The following TFRC variants were observed in gnomAD, a reference collection of about 807,000 sequenced individuals.
TFRC encodes the protein transferrin receptor protein 1.
In TFRC, 35 loss-of-function variants were observed where a neutral mutation model predicts 85.8. The ratio of observed to expected loss-of-function variants is 0.41; its 90% CI spans 0.31 to 0.54. The LOEUF (loss-of-function observed/expected upper bound fraction) is 0.54. TFRC is among the 20% of genes least tolerant of loss of function. The probability of loss-of-function intolerance (pLI) is 0.31; values close to 1 mark genes in which losing one functional copy is unlikely to be tolerated. For synonymous variants in TFRC, 362 were observed against 328.6 expected, an observed-to-expected ratio of 1.10 and a Z score of -1.10; for missense variants, 828 against 921.5, an observed-to-expected ratio of 0.90 and a Z score of 1.31.
chr3:196,055,575 G>A, intron 16 of TFRC: 1 of 496,154 alleles, frequency 2.0e-6, no homozygotes, highest in Non-Finnish European at 3.7e-6. Flanking sequence ...TAGACTTCTA[G>A]CCAAATTCCT....
At chr3:196,057,291 G>A (rs547247380) in intron 16 of TFRC, among the ~76,000 whole-genome samples, 24 of 152,094 alleles carry the variant, frequency 1.6e-4, no homozygotes, top group South Asian at 4.1e-4. Context: ...TGAAAATCCC[G>A]TCCTGTTCTG....
chr3:196,079,171 G>C (rs1718958297), intron 1 of TFRC, among the ~76,000 whole-genome samples: 1 of 152,126 alleles, frequency 6.6e-6, no homozygotes, highest in Non-Finnish European at 1.5e-5. Flanking sequence ...GAACAGTAAG[G>C]ACCCAATCAT....
intron 8 of TFRC, 79 bp from the exon 9 acceptor site, chr3:196,067,736 C>T: frequency 6.6e-7 from 1 of 1,514,890 alleles, no homozygotes; most frequent in East Asian, 2.3e-5. Context: ...TGGTATAAGG[C>T]TGCAGCCCAA....
rs1716243512 is a variant in TFRC, at chr3:196,050,707, C to G, written c.*1235G>C. ...AATTTTGCAGGAGTACTACCACAGC[C>G]TTTAAGTGACATTGATTTATAACTT... On this transcript the variant is annotated 3_prime_UTR_variant, in exon 19 of 19. Transcript: ENST00000360110. 9.8e-6 allele frequency: 2 copies of G among 205,014 alleles called. No individual in the cohort carries two copies. The highest frequency in any genetic ancestry group is 1.5e-4 in the East Asian group (2 of 13,310). 12.7% of individuals were successfully genotyped at this position (205,014 alleles called of 1,614,324 possible).
chr3:196,065,967 C>A (rs1293980492), intron 9 of TFRC, among the ~76,000 whole-genome samples: 1 of 146,698 alleles, frequency 6.8e-6, no homozygotes, highest in African/African-American at 2.5e-5. Context: ...CCAGCCTGGG[C>A]AACAGAGCAC....
intron 3 of TFRC, chr3:196,074,411 T>C: frequency 4.1e-6 from 1 of 246,014 alleles, no homozygotes. Flanking sequence ...CCTGCGGATA[T>C]TTTCTAGCGT....
At chr3:196,060,154 A>G (rs547848888) in intron 14 of TFRC, 26 bp downstream of exon 14, 1 of 1,584,374 alleles carries the variant, frequency 6.3e-7, no homozygotes, top group African/African-American at 1.4e-5. Context: ...TAAGTCATAC[A>G]TTTTTGTAAT....
chr3:196,054,698 G>A (rs892278451), intron 17 of TFRC, among the ~76,000 whole-genome samples: 2 of 152,188 alleles, frequency 1.3e-5, no homozygotes, highest in African/African-American at 4.8e-5. Flanking sequence ...TTTTAGATGC[G>A]CAGATCACTA....
At chr3:196,079,206 C>T (rs1718962382) in intron 1 of TFRC, among the ~76,000 whole-genome samples, 1 of 152,194 alleles carries the variant, frequency 6.6e-6, no homozygotes, top group South Asian at 2.1e-4. Context: ...GAAGGCCCCA[C>T]CCTGAACCAA....
At chr3:196,065,945 C>T (rs1308905654) in intron 9 of TFRC, among the ~76,000 whole-genome samples, 2 of 151,338 alleles carry the variant, frequency 1.3e-5, no homozygotes, top group East Asian at 1.9e-4. Context: ...GCCGAGATCA[C>T]GCCACTGCAC....
intron 12 of TFRC, 91 bp from the exon 13 acceptor site, chr3:196,062,736 A>G: frequency 6.5e-7 from 1 of 1,545,398 alleles, no homozygotes; most frequent in South Asian, 1.1e-5. Flanking sequence ...TCTGGACTCT[A>G]CTGAGACTAA....
At chr3:196,064,493 A>C in intron 10 of TFRC, 65 bp from the exon 11 acceptor site, 1 of 1,476,082 alleles carries the variant, frequency 6.8e-7, no homozygotes. Flanking sequence ...TTCTAGAATT[A>C]GCACATCAGT....
intron 6 of TFRC, among the ~76,000 whole-genome samples, chr3:196,070,461 T>A (rs1718096283): frequency 6.6e-6 from 1 of 152,060 alleles, no homozygotes; most frequent in South Asian, 2.1e-4. Context: ...GTTCACCATG[T>A]TGGCCAGGCT....
chr3:196,065,692 T>C lies in TFRC; in HGVS notation c.1041-92A>G, dbSNP rs1577235539. 6 of 1,383,120 alleles carry C rather than the reference T, an allele frequency of 4.3e-6. No homozygotes were observed. In the East Asian group the frequency reaches 1.6e-4, roughly 36 times the overall value. The allele number at this position is 1,383,120 out of a possible 1,614,324, so 85.7% of individuals were successfully genotyped here. ...TGAAGTTACAGATTAAGAGGACATA[T>C]AAACAAAACTTACTCTCAGCCCGGC... On this transcript the variant is annotated intron_variant, in intron 9 of 18. Coordinates refer to ENST00000360110, the MANE Select transcript of TFRC (RefSeq NM_001128148.3).
chr3:196,074,495 T>C (rs535549857), intron 3 of TFRC: 41 of 165,500 alleles, frequency 2.5e-4, no homozygotes, highest in African/African-American at 9.8e-4. Flanking sequence ...GCACGTCGTA[T>C]TGAAATAATT....
chr3:196,069,742 A>T (rs2108651247), intron 6 of TFRC, 174 bp from the exon 7 acceptor site: 1 of 506,370 alleles, frequency 2.0e-6, no homozygotes, highest in South Asian at 3.2e-5. Flanking sequence ...CTTTTAGGTC[A>T]GAGCTATTGG....
At position 196,051,622 on chromosome 3, in the gene TFRC, A is replaced by T. The variant is rs578236364; in HGVS notation, c.*320T>A. 5.8e-6 allele frequency: 2 copies of T among 346,406 alleles called. No homozygotes were observed. The highest frequency in any genetic ancestry group is 1.1e-5 in the Non-Finnish European group (2 of 187,460). The allele number at this position is 346,406 out of a possible 1,614,324, so 21.5% of individuals were successfully genotyped here. The stretch of plus-strand genomic sequence containing the variant: ...AGACCAGCCCTTAGGATTCAGAGAG[A>T]TCATTCACATAACTGGTTTCTGACA... On this transcript the variant is annotated 3_prime_UTR_variant, in exon 19 of 19. Transcript: ENST00000360110.
chr3:196,080,293 G>C (rs1313777520), intron 1 of TFRC, among the ~76,000 whole-genome samples: 2 of 152,130 alleles, frequency 1.3e-5, no homozygotes, highest in Non-Finnish European at 1.5e-5. Context: ...TCGTAGAGAC[G>C]GGGTTTCACC....
At chr3:196,057,347 C>A (rs1458982529) in intron 16 of TFRC, among the ~76,000 whole-genome samples, 1 of 152,138 alleles carries the variant, frequency 6.6e-6, no homozygotes, top group Non-Finnish European at 1.5e-5. Flanking sequence ...CACGTACCCC[C>A]TGCTTGCCCA....
Sources: gnomAD v4.1 joint callset for allele counts (sites outside exome capture counted in the v4.1 genomes callset) on GRCh38, gnomAD v4.1.1 for gene constraint, MANE v1.5 for transcripts, NCBI Gene and HGNC (gene_info 2026-07-23, HGNC 2026-07-21) for gene names.